The following RALGAPA1 variants were observed in gnomAD, a reference collection of about 807,000 sequenced individuals.
The protein encoded by RALGAPA1 is ral GTPase-activating protein subunit alpha-1.
RALGAPA1 carries 52 observed loss-of-function variants against 269.6 expected under a neutral mutation model. The ratio of observed to expected loss-of-function variants is 0.19; its 90% CI spans 0.15 to 0.24. RALGAPA1 has a LOEUF of 0.24. RALGAPA1 is among the 10% of genes least tolerant of loss of function. RALGAPA1 has a pLI of 1.00. For synonymous variants in RALGAPA1, 817 were observed against 1,008.3 expected, an observed-to-expected ratio of 0.81 and a Z score of 3.60; for missense variants, 1,917 against 3,013.9, an observed-to-expected ratio of 0.64 and a Z score of 8.52.
intron 31 of RALGAPA1, among the ~76,000 whole-genome samples, chr14:35,649,013 C>G (rs993542147): frequency 6.6e-6 from 1 of 152,184 alleles, no homozygotes; most frequent in Non-Finnish European, 1.5e-5. Context: ...TACTATATCG[C>G]CTTAAGTGAT....
chr14:35,747,197 A>G (rs1046920015), intron 10 of RALGAPA1, among the ~76,000 whole-genome samples: 1 of 152,176 alleles, frequency 6.6e-6, no homozygotes, highest in Non-Finnish European at 1.5e-5. Flanking sequence ...CATTTATGGG[A>G]ATGAAAAGGA....
intron 41 of RALGAPA1, chr14:35,542,163 T>G: frequency 5.0e-5 from 20 of 400,888 alleles, no homozygotes; most frequent in Non-Finnish European, 8.9e-5. Context: ...ATAAAATCTC[T>G]AGAGCTGCAT....
intron 1 of RALGAPA1, among the ~76,000 whole-genome samples, chr14:35,796,933 G>A (rs1035963186): frequency 2.0e-5 from 3 of 151,982 alleles, no homozygotes; most frequent in South Asian, 2.1e-4. Context: ...GACTACAGGC[G>A]CGTGCCACCA....
chr14:35,752,450 C>T (rs573437286), intron 7 of RALGAPA1, among the ~76,000 whole-genome samples: 3 of 152,288 alleles, frequency 2.0e-5, no homozygotes, highest in Admixed American at 2.0e-4. Context: ...CCTTTTGCCC[C>T]TTCCTGAATA....
At chr14:35,712,556 T>A (rs1235953909) in intron 16 of RALGAPA1, among the ~76,000 whole-genome samples, 1 of 152,218 alleles carries the variant, frequency 6.6e-6, no homozygotes. Flanking sequence ...TCACCCAGGC[T>A]GGAGGGCAGT....
rs149492011 is a variant in RALGAPA1 at position 35,718,998 on chromosome 14, C to T, written c.2266+2690G>A. Among the ~76,000 whole-genome samples the T allele has an allele frequency of 5.2e-3, 794 of 152,068 alleles. 7 individuals are homozygous for T. Among genetic ancestry groups the T allele is most frequent in the African/African-American group, 0.018 (749 of 41,492 alleles). ...GGCACTACGGGCATGCGCCACCACA[C>T]CCAGCTAATTTTTTTGTATTTTTTT... On this transcript the variant is annotated intron_variant, in intron 16 of 41. Transcript: ENST00000680220.
chr14:35,597,916 T>C (rs1424415078), intron 36 of RALGAPA1, among the ~76,000 whole-genome samples: 1 of 152,224 alleles, frequency 6.6e-6, no homozygotes, highest in African/African-American at 2.4e-5. Flanking sequence ...TTTAAATTTG[T>C]TGAGGCTTGT....
chr14:35,544,993 G>A (rs186998852), intron 41 of RALGAPA1, among the ~76,000 whole-genome samples: 3 of 152,238 alleles, frequency 2.0e-5, no homozygotes, highest in Non-Finnish European at 2.9e-5. Flanking sequence ...GTTGCAGTGA[G>A]CCAAGATTGC....
intron 41 of RALGAPA1, among the ~76,000 whole-genome samples, chr14:35,541,015 GAA>G (rs1175759096): frequency 1.4e-5 from 2 of 140,668 alleles, no homozygotes; most frequent in Non-Finnish European, 3.0e-5. Context: ...AAGCAATTAA[GAA>G]TATGTCTTTG....
chr14:35,761,828 G>A (rs1259051334), intron 5 of RALGAPA1, among the ~76,000 whole-genome samples: 2 of 152,136 alleles, frequency 1.3e-5, no homozygotes, highest in East Asian at 3.8e-4. Context: ...GTATTCAACT[G>A]CTGTTACTTT....
At chr14:35,643,962 A>G (rs1182576872) in intron 31 of RALGAPA1, among the ~76,000 whole-genome samples, 2 of 152,172 alleles carry the variant, frequency 1.3e-5, no homozygotes, top group African/African-American at 4.8e-5. Flanking sequence ...AATAAAATAT[A>G]ATATTTGCTA....
intron 1 of RALGAPA1, among the ~76,000 whole-genome samples, chr14:35,776,041 A>G (rs2074998674): frequency 6.6e-6 from 1 of 152,228 alleles, no homozygotes; most frequent in Admixed American, 6.5e-5. Flanking sequence ...TCACAGCTAC[A>G]GCTTTCCTAA....
At chr14:35,745,198 A>G (rs563096143) in intron 10 of RALGAPA1, among the ~76,000 whole-genome samples, 23 of 152,338 alleles carry the variant, frequency 1.5e-4, no homozygotes, top group Non-Finnish European at 3.1e-4. Flanking sequence ...CAAAGAAATC[A>G]GAATATTCAA....
rs543088501 is a variant in RALGAPA1, at chr14:35,774,313, G to A, written c.267+693C>T. 7.2e-5 allele frequency among the ~76,000 whole-genome samples: 11 copies of A among 152,164 alleles called. No homozygotes were observed. The South Asian group carries it at 1.9e-3, about 26-fold the overall frequency. Reference sequence around the variant, plus strand: ...CTATGCATATTCCTGGCTTTCTACAGGTCTCGAAATTCTCAGTGAAGATCA... The same window carrying A: ...CTATGCATATTCCTGGCTTTCTACAAGTCTCGAAATTCTCAGTGAAGATCA... On this transcript the variant is annotated intron_variant, in intron 3 of 41. Transcript: ENST00000680220.
chr14:35,806,128 T>C (rs1371588906), intron 1 of RALGAPA1, among the ~76,000 whole-genome samples: 3 of 152,232 alleles, frequency 2.0e-5, no homozygotes, highest in African/African-American at 4.8e-5. Flanking sequence ...GTGCAGTTTA[T>C]TGTGTGCCAA....
chr14:35,608,662 T>C (rs1340377721), intron 35 of RALGAPA1, among the ~76,000 whole-genome samples: 1 of 152,154 alleles, frequency 6.6e-6, no homozygotes, highest in African/African-American at 2.4e-5. Context: ...CAAATATATA[T>C]GCACCCAAAA....
rs1372518748 is a variant in RALGAPA1, at chr14:35,614,572, G to A, written c.6930-8863C>T. On this transcript the variant is annotated intron_variant, in intron 35 of 41. Transcript: ENST00000680220. ...CTAAGGCTGGGGGGAAAGAAAGGCT[G>A]GTGGGTAATGGATACCAGGTTTCTT... Among the ~76,000 whole-genome samples, 4 of 152,046 alleles carry A rather than the reference G, an allele frequency of 2.6e-5. No individual in the cohort carries two copies. In the East Asian group the frequency reaches 7.7e-4, roughly 29 times the overall value.
chr14:35,702,377 TA>T (rs1404761876), intron 16 of RALGAPA1, among the ~76,000 whole-genome samples: 2 of 152,126 alleles, frequency 1.3e-5, no homozygotes, highest in African/African-American at 4.8e-5. Context: ...AATCTGTAGG[TA>T]AAAAATATAG....
At chr14:35,781,776 A>C (rs944382323) in intron 1 of RALGAPA1, among the ~76,000 whole-genome samples, 1 of 152,128 alleles carries the variant, frequency 6.6e-6, no homozygotes, top group Non-Finnish European at 1.5e-5. Context: ...ACAAAACCCA[A>C]TATAATTTCA....
Sources: gnomAD v4.1 joint callset for allele counts (sites outside exome capture counted in the v4.1 genomes callset) on GRCh38, gnomAD v4.1.1 for gene constraint, MANE v1.5 for transcripts, NCBI Gene and HGNC (gene_info 2026-07-23, HGNC 2026-07-21) for gene names.